Variants in KDM4B observed in about 807,000 individuals in gnomAD.
KDM4B encodes lysine-specific demethylase 4B.
A neutral mutation model predicts 125.2 loss-of-function variants in KDM4B; 32 were observed. That is an observed-to-expected ratio of 0.26 (90% CI 0.19 to 0.34). The LOEUF (loss-of-function observed/expected upper bound fraction) is 0.34. KDM4B is among the 10% of genes least tolerant of loss of function. KDM4B has a pLI of 1.00. For synonymous variants in KDM4B, 721 were observed against 677.9 expected (o/e 1.06, Z -0.99); for missense variants, 1,190 against 1,577.7 (o/e 0.75, Z 4.16).
intron 12 of KDM4B, 98 bp downstream of exon 12, chr19:5,131,643 G>A: frequency 4.0e-6 from 2 of 506,158 alleles, no homozygotes; most frequent in East Asian, 3.5e-5. Context: ...TGGCGGGGGA[G>A]GGGGCAGGGA....
At chr19:5,043,731 G>GT (rs2036919322) in intron 5 of KDM4B, among the ~76,000 whole-genome samples, 1 of 144,276 alleles carries the variant, frequency 6.9e-6, no homozygotes, top group Non-Finnish European at 1.5e-5. Flanking sequence ...CCTGCGTGGT[G>GT]TTTATCGGAG....
chr19:4,999,800 C>G (rs2035314626), intron 1 of KDM4B, among the ~76,000 whole-genome samples: 1 of 131,152 alleles, frequency 7.6e-6, no homozygotes, highest in South Asian at 2.9e-4. Flanking sequence ...CATTTACTCA[C>G]CTATCCATCT....
At chr19:5,123,407 C>T (rs182169033) in intron 11 of KDM4B, among the ~76,000 whole-genome samples, 6 of 152,334 alleles carry the variant, frequency 3.9e-5, no homozygotes, top group Admixed American at 3.9e-4. Flanking sequence ...CCCGTGTTCT[C>T]CCGGAGTGTG....
intron 1 of KDM4B, among the ~76,000 whole-genome samples, chr19:4,978,506 CAAAAAAAAAAAAA>C (rs58304162): frequency 3.0e-4 from 11 of 36,394 alleles, no homozygotes; most frequent in East Asian, 9.6e-4. Context: ...GACTCTGTCT[CAAAAAAAAAAAAA>C]AAAAAAAAAA....
At chr19:5,107,481 G>A (rs1399302002) in intron 9 of KDM4B, among the ~76,000 whole-genome samples, 1 of 152,224 alleles carries the variant, frequency 6.6e-6, no homozygotes, top group South Asian at 2.1e-4. Flanking sequence ...GCTAGACAGG[G>A]CTGTGGTGAG....
intron 6 of KDM4B, among the ~76,000 whole-genome samples, chr19:5,065,267 C>T (rs907175587): frequency 2.6e-5 from 4 of 152,212 alleles, no homozygotes; most frequent in Non-Finnish European, 5.9e-5. Context: ...GGCCGTGTGA[C>T]CCCAAGCCCG....
chr19:5,007,280 C>T (rs563399400), intron 1 of KDM4B, among the ~76,000 whole-genome samples: 11 of 152,316 alleles, frequency 7.2e-5, no homozygotes, highest in East Asian at 3.9e-4. Context: ...CTGTCATTTT[C>T]GGCATGGTTT....
chr19:5,020,779 TA>T (rs1186287466), intron 2 of KDM4B, among the ~76,000 whole-genome samples: 14 of 152,154 alleles, frequency 9.2e-5, no homozygotes, highest in Non-Finnish European at 1.6e-4. Context: ...TCCTGACCTG[TA>T]AAAAAGCACA....
chr19:4,997,080 C>T lies in KDM4B; in HGVS notation c.-108-19177C>T, dbSNP rs796277816. Among the ~76,000 whole-genome samples the T allele has an allele frequency of 5.3e-5, 8 of 152,298 alleles. No individual in the cohort carries two copies. The highest frequency in any genetic ancestry group is 1.9e-4 in the African/African-American group (8 of 41,552). On this transcript the variant is annotated intron_variant, in intron 1 of 22. Transcript: ENST00000159111. This position sits in a 1 kb window ranked among gnomAD's most constrained non-coding sequence, Gnocchi z 4.2. ...GGCCTCCACCCCCTCCACGCCAGCACCACCCTCAGTCGTGACAGCCATAAA... is the reference window on the plus strand; with the variant it reads ...GGCCTCCACCCCCTCCACGCCAGCATCACCCTCAGTCGTGACAGCCATAAA...
At chr19:4,985,788 G>T (rs2034807850) in intron 1 of KDM4B, among the ~76,000 whole-genome samples, 1 of 152,230 alleles carries the variant, frequency 6.6e-6, no homozygotes, top group African/African-American at 2.4e-5. Flanking sequence ...CCTGTGGGCG[G>T]ATGGTTTTGC....
At chr19:4,999,096 A>T (rs766756917) in intron 1 of KDM4B, among the ~76,000 whole-genome samples, 4 of 152,146 alleles carry the variant, frequency 2.6e-5, no homozygotes, top group Non-Finnish European at 4.4e-5. Context: ...GTTTCAGCAG[A>T]CATTGATTCT....
intron 6 of KDM4B, among the ~76,000 whole-genome samples, chr19:5,069,340 T>TA (rs2037873290): frequency 6.6e-6 from 1 of 152,114 alleles, no homozygotes. Context: ...GACAGAGTCT[T>TA]GCTCTGTTGC....
At chr19:5,025,072 A>G (rs2036236586) in intron 2 of KDM4B, among the ~76,000 whole-genome samples, 1 of 152,240 alleles carries the variant, frequency 6.6e-6, no homozygotes, top group Non-Finnish European at 1.5e-5. Flanking sequence ...CCTCAAAATG[A>G]GTAGAGGGGA....
At chr19:4,984,681 G>T (rs754868635) in intron 1 of KDM4B, among the ~76,000 whole-genome samples, 1 of 152,142 alleles carries the variant, frequency 6.6e-6, no homozygotes, top group African/African-American at 2.4e-5. Context: ...TGGGGCCCTC[G>T]GGAGGGCTTG....
intron 6 of KDM4B, among the ~76,000 whole-genome samples, chr19:5,062,156 C>T (rs964652662): frequency 5.9e-5 from 9 of 152,216 alleles, no homozygotes; most frequent in Admixed American, 3.3e-4. Flanking sequence ...CAGCAGGCTG[C>T]GGTTGGTGAC....
intron 3 of KDM4B, among the ~76,000 whole-genome samples, chr19:5,039,509 A>C (rs1232470265): frequency 6.6e-6 from 1 of 152,170 alleles, no homozygotes; most frequent in Non-Finnish European, 1.5e-5. Context: ...AAGATGCCAG[A>C]ACACACACAC....
intron 6 of KDM4B, among the ~76,000 whole-genome samples, chr19:5,070,340 T>G (rs1342811366): frequency 6.6e-6 from 1 of 152,242 alleles, no homozygotes; most frequent in African/African-American, 2.4e-5. Context: ...ATCGCAGGTC[T>G]CCAGCTTCTG....
chr19:5,139,096 A>AT (rs57168853), intron 18 of KDM4B, among the ~76,000 whole-genome samples: 3 of 151,408 alleles, frequency 2.0e-5, no homozygotes, highest in Non-Finnish European at 3.0e-5. Flanking sequence ...TTAACTCCCA[A>AT]TTTTTTTTTA....
chr19:4,995,135 A>G (rs2035158600), intron 1 of KDM4B, among the ~76,000 whole-genome samples: 1 of 152,128 alleles, frequency 6.6e-6, no homozygotes, highest in Non-Finnish European at 1.5e-5. Flanking sequence ...CATCAAAACC[A>G]TTTGGAGACC....
Sources: gnomAD v4.1 joint callset for allele counts (sites outside exome capture counted in the v4.1 genomes callset) on GRCh38, gnomAD v4.1.1 for gene constraint, Gnocchi (gnomAD v3.1) non-coding constraint, MANE v1.5 for transcripts, NCBI Gene and HGNC (gene_info 2026-07-23, HGNC 2026-07-21) for gene names.